EPG5: variants seen among roughly 807,000 people sequenced by gnomAD.
EPG5 encodes ectopic P-granules 5 autophagy tethering factor.
In EPG5, 159 loss-of-function variants were observed where a neutral mutation model predicts 302.7. The ratio of observed to expected loss-of-function variants is 0.53; its 90% CI spans 0.46 to 0.60. The LOEUF (loss-of-function observed/expected upper bound fraction) is 0.60. Ranked by LOEUF, EPG5 falls within the 20% of genes least tolerant of loss-of-function variation. EPG5 has a pLI of 0.00. For synonymous variants in EPG5, 1,158 were observed against 1,136.8 expected, an observed-to-expected ratio of 1.02 and a Z score of -0.37; for missense variants, 2,896 against 3,092.4, an observed-to-expected ratio of 0.94 and a Z score of 1.51.
At chr18:45,837,950 C>G in the EPG5 span, 5 of 1,428,314 alleles carry the variant, frequency 3.5e-6, no homozygotes, top group Admixed American at 2.9e-5. Flanking sequence ...TCCCGCCTGC[C>G]CCGCCCCAAG....
intron 31 of EPG5, among the ~76,000 whole-genome samples, chr18:45,881,300 C>T (rs1246455194): frequency 6.6e-6 from 1 of 152,218 alleles, no homozygotes; most frequent in Non-Finnish European, 1.5e-5. Context: ...CTATTTGAAA[C>T]TTTAAAAGCT....
At chr18:45,833,397 A>G in the EPG5 span, among the ~76,000 whole-genome samples, 81 of 152,088 alleles carry the variant, frequency 5.3e-4, no homozygotes, top group Non-Finnish European at 5.9e-4. Flanking sequence ...GCTCACTGCA[A>G]CCTCTGCCTC....
chr18:45,954,312 G>T, intron 2 of EPG5, 82 bp downstream of exon 2: 2 of 1,297,260 alleles, frequency 1.5e-6, no homozygotes, highest in Non-Finnish European at 2.1e-6. Flanking sequence ...CAGAGTGGGT[G>T]TAAGGCACAG....
At chr18:45,857,778 A>T in intron 42 of EPG5, 75 bp downstream of exon 42, 1 of 1,171,354 alleles carries the variant, frequency 8.5e-7, no homozygotes, top group African/African-American at 1.5e-5. Flanking sequence ...CTACTGAAGT[A>T]TATCACAACC....
chr18:45,951,461 AT>A lies in EPG5; in HGVS notation c.1253-224del, dbSNP rs11367037. On this transcript the variant is annotated intron_variant, in intron 3 of 43. Transcript: ENST00000282041. ...TAATGGAAAAATCAACCTCATCATA[AT>A]TTTTTTTTTTTTTTTGACACAGCCT... Among the ~76,000 whole-genome samples, 26,351 of 144,714 alleles carry A rather than the reference AT, an allele frequency of 0.18. 3,429 individuals are homozygous for A. Among genetic ancestry groups the A allele is most frequent in the African/African-American group, 0.35 (13,846 of 39,542 alleles). The allele number at this position is 144,714 out of a possible 152,430, so 94.9% of individuals were successfully genotyped here. A position where few individuals can be genotyped will look rare whatever the true frequency, so the allele number is the denominator to read the frequency against.
rs183424219 is a variant in EPG5 at position 45,936,123 on chromosome 18, C to T, written c.2100-1157G>A. ...CACAGCTGGGGCACAAGAATTTACA[C>T]CTTTATAGTCACCCTTGGTGACTCA... On this transcript the variant is annotated intron_variant, in intron 10 of 43. Coordinates refer to ENST00000282041, the MANE Select transcript of EPG5 (RefSeq NM_020964.3). Among the ~76,000 whole-genome samples the T allele has an allele frequency of 1.7e-3, 257 of 152,266 alleles. 2 individuals carry two copies. Among genetic ancestry groups the T allele is most frequent in the African/African-American group, 5.9e-3 (245 of 41,552 alleles).
chr18:45,804,408 T>C, the EPG5 span, among the ~76,000 whole-genome samples: 1 of 152,084 alleles, frequency 6.6e-6, no homozygotes, highest in Non-Finnish European at 1.5e-5. Flanking sequence ...GCAAAAGACA[T>C]AAATTTACAA....
intron 28 of EPG5, 65 bp from the exon 29 acceptor site, chr18:45,887,972 T>C: frequency 8.1e-7 from 1 of 1,227,024 alleles, no homozygotes; most frequent in Non-Finnish European, 1.1e-6. Context: ...AAGGCCTTCT[T>C]TGATACCCTA....
chr18:45,898,138 T>C (rs72918338), intron 27 of EPG5, among the ~76,000 whole-genome samples: 2,807 of 152,282 alleles, frequency 0.018, 44 homozygotes, highest in Non-Finnish European at 0.03. Flanking sequence ...GACAGGCAGA[T>C]TGCTTGAGCC....
chr18:45,880,196 T>C lies in EPG5; in HGVS notation c.5546A>G (p.Glu1849Gly), dbSNP rs1389270695. 3 of 1,606,724 alleles carry C rather than the reference T, an allele frequency of 1.9e-6. No homozygotes were observed. The South Asian group carries it at 3.3e-5, about 18-fold the overall frequency. ...QSSAEQLLSP[E>G]CWKATLRALG... ...GGCTCTCAGAGTGGCCTTCCAACACTCGGGGCTCAGAAGCTGCTCCGCGGA... is the reference window on the plus strand; with the variant it reads ...GGCTCTCAGAGTGGCCTTCCAACACCCGGGGCTCAGAAGCTGCTCCGCGGA... The change falls in exon 32 of 44, where the codon GAG (glutamate) becomes GGG (glycine). Residue 1849 changes from glutamate to glycine, a missense_variant. By Grantham distance (98) the Glu-to-Gly change is moderately conservative. Around this residue, in one of 5 missense-constraint regions of EPG5, gnomAD observed 790 missense variants for 798.0 expected, o/e 0.99. Transcript: ENST00000282041.
At position 45,944,030 on chromosome 18, in the gene EPG5, C is replaced by A. The variant is rs771112415; in HGVS notation, c.1767G>T (p.Gln589His). The A allele has an allele frequency of 1.9e-6, 3 of 1,612,980 alleles. No homozygotes were observed. The highest frequency in any genetic ancestry group is 2.5e-6 in the Non-Finnish European group (3 of 1,179,068). ...LAQFPFHELF[Q>H]HLLGFKAKGD... ...CTTTTGCTTTAAACCCAAGAAGATG[C>A]TGAAAGAGTTCATGAAAGGGGAACT... The change falls in exon 8 of 44, where the codon CAG becomes CAT. Residue 589 changes from glutamine (Q) to histidine (H), a missense_variant. Coordinates refer to ENST00000282041, the MANE Select transcript of EPG5 (RefSeq NM_020964.3).
At chr18:45,936,282 C>T (rs940156846) in intron 10 of EPG5, among the ~76,000 whole-genome samples, 1 of 152,184 alleles carries the variant, frequency 6.6e-6, no homozygotes, top group African/African-American at 2.4e-5. Context: ...CAGTTTATAA[C>T]TAGAACCTTG....
chr18:45,916,194 C>G lies in EPG5; in HGVS notation c.3397G>C (p.Val1133Leu), dbSNP rs1196176370. The stretch of plus-strand genomic sequence containing the variant: ...CCCACTTCATTGGGCTGAGTGCTTA[C>G]AGATATGTGTGCCTGTGGAGAAAAG... ...LNSMIQAHIS[V>L]STQPNEVGPV... is the part of the protein sequence containing the mutation. The change falls in exon 19 of 44, where the codon GTA (valine) becomes CTA (leucine). Residue 1133 changes from valine (V) to leucine (L), a missense_variant. This residue lies in a region of EPG5 where 1,390 missense variants were observed against 1,430.0 expected (regional missense o/e 0.97). Coordinates refer to ENST00000282041, the MANE Select transcript of EPG5 (RefSeq NM_020964.3). 1.3e-5 allele frequency: 21 copies of G among 1,611,888 alleles called. No individual in the cohort carries two copies. Among genetic ancestry groups the G allele is most frequent in the Non-Finnish European group, 1.6e-5 (19 of 1,179,362 alleles).
chr18:45,940,113 G>C (rs73953917), intron 9 of EPG5, among the ~76,000 whole-genome samples: 2,515 of 152,238 alleles, frequency 0.017, 81 homozygotes, highest in African/African-American at 0.057. Flanking sequence ...TACTAAAGAG[G>C]GACATTTGAT....
At chr18:45,878,653 C>T (rs1167204643) in intron 33 of EPG5, among the ~76,000 whole-genome samples, 1 of 152,090 alleles carries the variant, frequency 6.6e-6, no homozygotes, top group Non-Finnish European at 1.5e-5. Flanking sequence ...ATTTGTATTA[C>T]AATACAATAT....
chr18:45,926,683 G>C (rs1293742724), intron 13 of EPG5, among the ~76,000 whole-genome samples: 1 of 151,914 alleles, frequency 6.6e-6, no homozygotes, highest in African/African-American at 2.4e-5. Flanking sequence ...GCCAGGCATG[G>C]TGGCACGCGC....
chr18:45,896,599 C>T (rs1054655780), intron 27 of EPG5, among the ~76,000 whole-genome samples: 3 of 152,074 alleles, frequency 2.0e-5, no homozygotes, highest in East Asian at 1.9e-4. Flanking sequence ...GGCTGGAGTG[C>T]GGTGGCACAG....
At chr18:45,867,113 CA>C in intron 37 of EPG5, 106 bp from the exon 38 acceptor site, 1 of 753,832 alleles carries the variant, frequency 1.3e-6, no homozygotes, top group East Asian at 2.7e-5. Flanking sequence ...CTATGGTAAG[CA>C]CAGAACAGTT....
At chr18:45,805,994 C>T in the EPG5 span, among the ~76,000 whole-genome samples, 2 of 152,180 alleles carry the variant, frequency 1.3e-5, no homozygotes, top group Non-Finnish European at 1.5e-5. Context: ...CTGAATAATG[C>T]TACCAACTAC....
Sources: allele counts gnomAD v4.1 joint callset (sites outside exome capture counted in the v4.1 genomes callset), GRCh38; gene constraint gnomAD v4.1.1; regional missense constraint gnomAD v4.1.1; transcripts MANE v1.5; gene names NCBI Gene and HGNC (gene_info 2026-07-23, HGNC 2026-07-21).